PEAR1: variants seen among roughly 807,000 people sequenced by gnomAD.
The protein encoded by PEAR1 is multiple EGF-like domains protein 12.
In PEAR1, 113 loss-of-function variants were observed where a neutral mutation model predicts 131.2. That is an observed-to-expected ratio of 0.86 (90% CI 0.74 to 1.01). PEAR1 has a LOEUF of 1.01. Among genes scored for constraint, PEAR1 ranks in the 50% least tolerant of loss-of-function variants. The pLI is 0.00. For missense variants in PEAR1, 1,408 were observed against 1,391.1 expected, an observed-to-expected ratio of 1.01 and a Z score of -0.19; for synonymous variants, 565 against 523.3, an observed-to-expected ratio of 1.08 and a Z score of -1.09.
At position 156,906,675 on chromosome 1, in the gene PEAR1, C is replaced by A; in HGVS notation, c.439C>A (p.Pro147Thr). The A allele has an allele frequency of 3.1e-6, 5 of 1,614,214 alleles. No individual in the cohort carries two copies. Among genetic ancestry groups the A allele is most frequent in the Non-Finnish European group, 4.2e-6 (5 of 1,180,026 alleles). Residue 147 changes from proline (P) to threonine (T), a missense_variant, in exon 6 of 23, where the codon CCC (proline) becomes ACC (threonine). Transcript: ENST00000292357. ...AATGTGGGGGCCACAGTGTGACAAGCCCTGCAGCTGCGGCAACAACAGCTC... is the reference window on the plus strand; with the variant it reads ...AATGTGGGGGCCACAGTGTGACAAGACCTGCAGCTGCGGCAACAACAGCTC... The part of the protein sequence containing the change: ...PGMWGPQCDK[P>T]CSCGNNSSCD...
At chr1:156,903,768 T>C in intron 1 of PEAR1, 150 bp from the exon 2 acceptor site, 1 of 649,004 alleles carries the variant, frequency 1.5e-6, no homozygotes, top group South Asian at 1.8e-5. Flanking sequence ...GAGTGAGGTG[T>C]AGGGGAGCTG....
intron 15 of PEAR1, 126 bp downstream of exon 15, chr1:156,910,869 G>A: frequency 7.5e-7 from 1 of 1,340,588 alleles, no homozygotes; most frequent in Non-Finnish European, 1.0e-6. Context: ...AATATTTACT[G>A]GGCACCACCT....
intron 1 of PEAR1, among the ~76,000 whole-genome samples, chr1:156,900,326 C>T (rs1016521565): frequency 2.6e-5 from 4 of 151,924 alleles, no homozygotes; most frequent in Non-Finnish European, 5.9e-5. Flanking sequence ...ACCCCCATCC[C>T]CTTCTCCTGT....
In PEAR1 at chr1:156,910,105, A is replaced by C. The variant is rs1558141325; in HGVS notation, c.1675A>C (p.Met559Leu). 6.2e-7 allele frequency: 1 copy of C among 1,613,980 alleles called. No individual in the cohort carries two copies. Among genetic ancestry groups the C allele is most frequent in the African/African-American group, 1.3e-5 (1 of 74,910 alleles). Residue 559 changes from methionine (M) to leucine (L), a missense_variant, in exon 13 of 23, where the codon ATG becomes CTG. Coordinates refer to ENST00000292357, the MANE Select transcript of PEAR1 (RefSeq NM_001080471.3). Reference sequence around the variant, plus strand: ...ACGCTGTCAGTGCCAGGCTGGCTGGATGGGTGAGCATTCTGGGGCCCCAGG... The same window carrying C: ...ACGCTGTCAGTGCCAGGCTGGCTGGCTGGGTGAGCATTCTGGGGCCCCAGG... ...HGRCQCQAGW[M>L]GARCHLSCPE... is the part of the protein sequence containing the mutation.
chr1:156,908,036 G>C lies in PEAR1; in HGVS notation c.887G>C (p.Gly296Ala). 7.1e-7 allele frequency: 1 copy of C among 1,409,858 alleles called. No individual in the cohort carries two copies. Among genetic ancestry groups the C allele is most frequent in the African/African-American group, 1.5e-5 (1 of 68,924 alleles). The allele number at this position is 1,409,858 out of a possible 1,614,324, so 87.3% of individuals were successfully genotyped here. ...ACTGGGCAGTGCCGCTGCGCTCCGG[G>C]TTACACTGGGGATCGGTGAGTGGCG... ...RFTGQCRCAP[G>A]YTGDRCREEC... The change falls in exon 8 of 23, where the codon GGT becomes GCT. Residue 296 changes from glycine (G) to alanine (A), a missense_variant. Coordinates refer to ENST00000292357, the MANE Select transcript of PEAR1 (RefSeq NM_001080471.3). The surrounding 1 kb of genome is among the most constrained non-coding windows in gnomAD (Gnocchi z 4.2).
intron 1 of PEAR1, among the ~76,000 whole-genome samples, chr1:156,897,069 G>A (rs1649238778): frequency 6.6e-6 from 1 of 152,182 alleles, no homozygotes; most frequent in South Asian, 2.1e-4. Flanking sequence ...AAGTCAAGGA[G>A]CACTGGAGTC....
At position 156,911,049 on chromosome 1, in the gene PEAR1, C is replaced by CTTTCTTTT. The variant is rs1376407139; in HGVS notation, c.1951+313_1951+314insTTTTCTTT. 7.2e-3 allele frequency among the ~76,000 whole-genome samples: 788 copies of CTTTCTTTT among 109,084 alleles called. 13 individuals are homozygous for CTTTCTTTT. Among genetic ancestry groups the CTTTCTTTT allele is most frequent in the African/African-American group, 0.039 (753 of 19,508 alleles). 71.6% of individuals were successfully genotyped at this position (109,084 alleles called of 152,430 possible). A position where few individuals can be genotyped will look rare whatever the true frequency, so the allele number is the denominator to read the frequency against. On this transcript the variant is annotated intron_variant, in intron 15 of 22. Coordinates refer to ENST00000292357, the MANE Select transcript of PEAR1 (RefSeq NM_001080471.3). ...TCTCTTGATTTCTTTTTCTTTCTTT[C>CTTTCTTTT]TTTCTTTCTTTCTTTCTTTCTTTCT... is the stretch of plus-strand genomic sequence containing the variant.
intron 1 of PEAR1, among the ~76,000 whole-genome samples, chr1:156,894,509 T>C (rs76164767): frequency 0.013 from 2,022 of 152,334 alleles, 54 homozygotes; most frequent in African/African-American, 0.046. Context: ...TGCAGGTCCC[T>C]GGCTCTCACA....
chr1:156,905,365 A>G lies in PEAR1; in HGVS notation c.248A>G (p.Asp83Gly). Residue 83 changes from aspartate to glycine, a missense_variant, in exon 4 of 23, where the codon GAC (aspartate) becomes GGC (glycine). Transcript: ENST00000292357. ...RTVYRQVVKT[D>G]HRQRLQCCHG... ...GTGTACCGTCAGGTGGTGAAGACGG[A>G]CCACCGCCAGCGCCTGCAGTGCTGC... 1 of 1,611,814 alleles carries G rather than the reference A, an allele frequency of 6.2e-7. No individual in the cohort carries two copies. The highest frequency in any genetic ancestry group is 1.1e-5 in the South Asian group (1 of 90,928).
chr1:156,904,085 A>G (rs1340535068), intron 2 of PEAR1, 58 bp downstream of exon 2: 1 of 1,419,828 alleles, frequency 7.0e-7, no homozygotes, highest in African/African-American at 1.4e-5. Context: ...GATTGTCCCT[A>G]TTGTCCCTAC....
intron 1 of PEAR1, among the ~76,000 whole-genome samples, chr1:156,897,850 G>A (rs1361947955): frequency 6.6e-6 from 1 of 152,176 alleles, no homozygotes; most frequent in Non-Finnish European, 1.5e-5. Context: ...GGGAGCGCAG[G>A]GGTAGAGGTA....
chr1:156,911,176 TTTTCTTTC>T (rs1387123376), intron 15 of PEAR1, among the ~76,000 whole-genome samples: 127 of 130,756 alleles, frequency 9.7e-4, no homozygotes, highest in African/African-American at 3.6e-3. Context: ...CTTTCCTTTC[TTTTCTTTC>T]TTCTTTCTTT....
chr1:156,914,766 C>T lies in PEAR1; in HGVS notation c.3082C>T (p.Pro1028Ser). 6.2e-7 allele frequency: 1 copy of T among 1,613,986 alleles called. No individual in the cohort carries two copies. The highest frequency in any genetic ancestry group is 8.5e-7 in the Non-Finnish European group (1 of 1,179,890). ...TGACTTGCCTCCAGTACGGCATCCC[C>T]CATCACCTCCACTTCGACGCCAGGA... ...HYDLPPVRHPPSPPLRRQDR is the reference protein window; with the variant it reads ...HYDLPPVRHPSSPPLRRQDR The change falls in exon 23 of 23, where the codon CCA (proline) becomes TCA (serine). Residue 1028 changes from proline to serine, a missense_variant. Coordinates refer to ENST00000292357, the MANE Select transcript of PEAR1 (RefSeq NM_001080471.3).
chr1:156,899,945 A>G (rs1043093389), intron 1 of PEAR1, among the ~76,000 whole-genome samples: 6 of 152,078 alleles, frequency 3.9e-5, no homozygotes, highest in African/African-American at 1.2e-4. Flanking sequence ...TCTGCTTTCT[A>G]TAGAAATGGA....
At chr1:156,896,036 C>G (rs1274266279) in intron 1 of PEAR1, among the ~76,000 whole-genome samples, 1 of 152,096 alleles carries the variant, frequency 6.6e-6, no homozygotes, top group Non-Finnish European at 1.5e-5. Context: ...GAGCCATGAT[C>G]ACGCCACTGC....
chr1:156,906,664 A>G lies in PEAR1; in HGVS notation c.428A>G (p.Gln143Arg). Residue 143 changes from glutamine to arginine, a missense_variant, in exon 6 of 23, where the codon CAG becomes CGG. Gln to Arg is a conservative substitution (Grantham distance 43, BLOSUM62 1). Transcript: ENST00000292357. ...SECAPGMWGP[Q>R]CDKPCSCGNN... is the part of the protein sequence containing the mutation. ...TGTGCCCCAGGAATGTGGGGGCCAC[A>G]GTGTGACAAGCCCTGCAGCTGCGGC... The G allele has an allele frequency of 6.2e-7, 1 of 1,614,166 alleles. No homozygotes were observed. The highest frequency in any genetic ancestry group is 8.5e-7 in the Non-Finnish European group (1 of 1,180,010).
intron 4 of PEAR1, 84 bp downstream of exon 4, chr1:156,905,508 C>G: frequency 1.6e-6 from 2 of 1,247,418 alleles, no homozygotes; most frequent in Non-Finnish European, 1.1e-6. Flanking sequence ...CCTCCCGGCC[C>G]CCGCTAGAAT....
At chr1:156,898,903 C>G (rs769419215) in intron 1 of PEAR1, among the ~76,000 whole-genome samples, 1 of 152,148 alleles carries the variant, frequency 6.6e-6, no homozygotes, top group Non-Finnish European at 1.5e-5. Context: ...GACCAAGAAG[C>G]TGATGAAGGA....
chr1:156,914,539 C>A (rs1049797833), intron 22 of PEAR1, 108 bp from the exon 23 acceptor site: 7 of 1,169,272 alleles, frequency 6.0e-6, no homozygotes, highest in Admixed American at 2.3e-5. Flanking sequence ...CCATCTGCTT[C>A]TCTTTGCCTT....
Sources: gnomAD v4.1 joint callset for allele counts (sites outside exome capture counted in the v4.1 genomes callset) on GRCh38, gnomAD v4.1.1 for gene constraint, Gnocchi (gnomAD v3.1) non-coding constraint, MANE v1.5 for transcripts, NCBI Gene and HGNC (gene_info 2026-07-23, HGNC 2026-07-21) for gene names.